Variants in MCU observed in about 807,000 individuals in gnomAD.
The protein encoded by MCU is calcium uniporter protein, mitochondrial.
Under a neutral mutation model 45.2 loss-of-function variants are expected in MCU, and 12 were observed. That is an observed-to-expected ratio of 0.27 (90% CI 0.17 to 0.43). The LOEUF (loss-of-function observed/expected upper bound fraction) is 0.43. Ranked by LOEUF, MCU falls within the 20% of genes least tolerant of loss-of-function variation. The pLI, the probability that MCU is intolerant of heterozygous loss-of-function variation, is 1.00. For missense variants in MCU, 324 were observed against 436.7 expected, an observed-to-expected ratio of 0.74 and a Z score of 2.30; for synonymous variants, 160 against 165.1, an observed-to-expected ratio of 0.97 and a Z score of 0.24.
At chr10:72,854,896 A>T (rs373249391) in intron 2 of MCU, among the ~76,000 whole-genome samples, 3 of 152,224 alleles carry the variant, frequency 2.0e-5, no homozygotes, top group South Asian at 4.1e-4. Context: ...TTAATACCTC[A>T]GCCTTTACAG....
chr10:72,864,787 G>A (rs975412195), intron 4 of MCU, among the ~76,000 whole-genome samples: 1 of 152,170 alleles, frequency 6.6e-6, no homozygotes, highest in African/African-American at 2.4e-5. Flanking sequence ...TAAACATGTA[G>A]ATCAGGGACA....
intron 1 of MCU, among the ~76,000 whole-genome samples, chr10:72,808,596 G>A (rs958971189): frequency 3.3e-5 from 5 of 152,146 alleles, no homozygotes; most frequent in Admixed American, 6.5e-5. Flanking sequence ...AAAGCTTCAC[G>A]CATTAATCCG....
intron 1 of MCU, among the ~76,000 whole-genome samples, chr10:72,818,841 CAAA>C (rs199955521): frequency 3.2e-4 from 28 of 87,850 alleles, no homozygotes; most frequent in African/African-American, 5.7e-4. Flanking sequence ...ACCTCTGTCT[CAAA>C]AAAAAAAAAA....
At chr10:72,847,514 C>A (rs12357952) in intron 2 of MCU, among the ~76,000 whole-genome samples, 2 of 151,596 alleles carry the variant, frequency 1.3e-5, no homozygotes. Context: ...GTATGTATAG[C>A]AAAAAAAATA....
chr10:72,779,741 A>G (rs1843960199), intron 1 of MCU, among the ~76,000 whole-genome samples: 1 of 152,226 alleles, frequency 6.6e-6, no homozygotes, highest in Admixed American at 6.5e-5. Flanking sequence ...ACCACTTTAT[A>G]CACACTGCAT....
chr10:72,692,772 C>T lies in MCU; in HGVS notation c.150+471C>T, dbSNP rs774595152. ...AGTGGCAGTGCCATGCTGCTGGGAGCTGCCCCGGAGAGCAGCCCAGGACCC... is the reference window on the plus strand; with the variant it reads ...AGTGGCAGTGCCATGCTGCTGGGAGTTGCCCCGGAGAGCAGCCCAGGACCC... On this transcript the variant is annotated intron_variant, in intron 1 of 7. Transcript: ENST00000373053. The T allele has an allele frequency of 1.4e-5, 19 of 1,370,814 alleles. No individual in the cohort carries two copies. In the East Asian group the frequency reaches 5.2e-4, roughly 37 times the overall value. 84.9% of individuals were successfully genotyped at this position (1,370,814 alleles called of 1,614,324 possible).
chr10:72,796,653 A>G (rs373172037), intron 1 of MCU, among the ~76,000 whole-genome samples: 3 of 150,942 alleles, frequency 2.0e-5, no homozygotes, highest in Admixed American at 1.3e-4. Flanking sequence ...AGGTAGTACT[A>G]CAGGTGCGTA....
At chr10:72,810,996 T>G (rs1018649461) in intron 1 of MCU, among the ~76,000 whole-genome samples, 1 of 152,202 alleles carries the variant, frequency 6.6e-6, no homozygotes, top group African/African-American at 2.4e-5. Context: ...TTGAAAAGAC[T>G]TGGTAACTTC....
chr10:72,779,011 C>T (rs1843945624), intron 1 of MCU, among the ~76,000 whole-genome samples: 1 of 152,016 alleles, frequency 6.6e-6, no homozygotes, highest in African/African-American at 2.4e-5. Flanking sequence ...CACTCTGTTG[C>T]TGGGTTGGAG....
chr10:72,866,469 C>T (rs2132878557), intron 4 of MCU, among the ~76,000 whole-genome samples: 1 of 152,252 alleles, frequency 6.6e-6, no homozygotes, highest in African/African-American at 2.4e-5. Flanking sequence ...GCAATCTCGG[C>T]TTACTGCAAC....
At chr10:72,828,938 AGATATG>A (rs942946427) in intron 1 of MCU, among the ~76,000 whole-genome samples, 2 of 152,326 alleles carry the variant, frequency 1.3e-5, no homozygotes, top group African/African-American at 4.8e-5. Flanking sequence ...TACTTATTAA[AGATATG>A]GACTGGTACC....
intron 1 of MCU, among the ~76,000 whole-genome samples, chr10:72,739,917 C>T (rs1843302799): frequency 6.6e-6 from 1 of 151,838 alleles, no homozygotes; most frequent in Non-Finnish European, 1.5e-5. Context: ...CTCAAGTGAT[C>T]TGCCTGCCTC....
intron 1 of MCU, among the ~76,000 whole-genome samples, chr10:72,718,001 C>G (rs1174794510): frequency 6.6e-6 from 1 of 152,200 alleles, no homozygotes; most frequent in African/African-American, 2.4e-5. Flanking sequence ...ACATTTGTTA[C>G]AATTAACAAA....
At chr10:72,777,176 A>G (rs1251039072) in intron 1 of MCU, among the ~76,000 whole-genome samples, 2 of 152,236 alleles carry the variant, frequency 1.3e-5, no homozygotes, top group African/African-American at 4.8e-5. Flanking sequence ...TACCAATGAT[A>G]TCCTTCACAG....
intron 1 of MCU, among the ~76,000 whole-genome samples, chr10:72,746,241 A>G (rs531288944): frequency 6.6e-6 from 1 of 152,362 alleles, no homozygotes; most frequent in East Asian, 1.9e-4. Context: ...GTAATTTTTC[A>G]AAAACCAAAA....
At chr10:72,882,887 G>A (rs1845726275) in intron 6 of MCU, among the ~76,000 whole-genome samples, 1 of 152,126 alleles carries the variant, frequency 6.6e-6, no homozygotes. Context: ...ACCGACATGT[G>A]ATGTCCCCCC....
chr10:72,805,076 T>A lies in MCU; in HGVS notation c.151-29283T>A, dbSNP rs542573456. Among the ~76,000 whole-genome samples the A allele has an allele frequency of 3.3e-3, 487 of 148,644 alleles. 10 individuals are homozygous for A. The highest frequency in any genetic ancestry group is 0.012 in the African/African-American group (469 of 38,536). On this transcript the variant is annotated intron_variant, in intron 1 of 7. Coordinates refer to ENST00000373053, the MANE Select transcript of MCU (RefSeq NM_138357.3). ...TGAGCCACCTCACCTGGCCCTAGTT[T>A]GTTTCTTTCTTTCTTTCTTTCTTTC...
At chr10:72,796,099 C>G (rs1209422409) in intron 1 of MCU, among the ~76,000 whole-genome samples, 2 of 152,052 alleles carry the variant, frequency 1.3e-5, no homozygotes, top group Non-Finnish European at 2.9e-5. Context: ...CTCTCAGAAC[C>G]ATTGTCTTAA....
intron 1 of MCU, among the ~76,000 whole-genome samples, chr10:72,793,124 G>T (rs911733820): frequency 1.3e-5 from 2 of 152,034 alleles, no homozygotes; most frequent in Non-Finnish European, 2.9e-5. Context: ...TGATCTGCTC[G>T]CCTTGGCCTC....
Sources: gnomAD v4.1 joint callset for allele counts (sites outside exome capture counted in the v4.1 genomes callset) on GRCh38, gnomAD v4.1.1 for gene constraint, MANE v1.5 for transcripts, NCBI Gene and HGNC (gene_info 2026-07-23, HGNC 2026-07-21) for gene names.